CSNK1A1: variants seen among roughly 807,000 people sequenced by gnomAD.
CSNK1A1 encodes the protein casein kinase 1 alpha 1.
Under a neutral mutation model 46.1 loss-of-function variants are expected in CSNK1A1, and 7 were observed. That is an observed-to-expected ratio of 0.15 (90% CI 0.09 to 0.29). The LOEUF (loss-of-function observed/expected upper bound fraction) is 0.29. Among genes scored for constraint, CSNK1A1 ranks in the 10% least tolerant of loss-of-function variants. The pLI is 1.00. For missense variants in CSNK1A1, 96 were observed against 417.1 expected, an observed-to-expected ratio of 0.23 and a Z score of 6.71; for synonymous variants, 137 against 141.5, an observed-to-expected ratio of 0.97 and a Z score of 0.23.
At chr5:149,536,290 G>A (rs543111597) in intron 2 of CSNK1A1, among the ~76,000 whole-genome samples, 1 of 152,240 alleles carries the variant, frequency 6.6e-6, no homozygotes, top group African/African-American at 2.4e-5. Context: ...TGCACTATAA[G>A]TTAGCACTTG....
intron 5 of CSNK1A1, among the ~76,000 whole-genome samples, chr5:149,512,120 A>G (rs1761243638): frequency 6.6e-6 from 1 of 152,126 alleles, no homozygotes; most frequent in African/African-American, 2.4e-5. Flanking sequence ...AAAAGAACAG[A>G]AACGATTTGG....
At chr5:149,500,300 G>T (rs2113048096) in intron 9 of CSNK1A1, among the ~76,000 whole-genome samples, 1 of 152,082 alleles carries the variant, frequency 6.6e-6, no homozygotes, top group South Asian at 2.1e-4. Context: ...ACCACGCCCG[G>T]CTAATTTTTT....
rs983357661 is a variant in CSNK1A1 at position 149,498,625 on chromosome 5, C to T, written c.1007-1765G>A. 4 of 985,116 alleles carry T rather than the reference C, an allele frequency of 4.1e-6. No homozygotes were observed. The African/African-American group carries it at 5.2e-5, about 13-fold the overall frequency. The allele number at this position is 985,116 out of a possible 1,614,324, so 61.0% of individuals were successfully genotyped here. On this transcript the variant is annotated intron_variant, in intron 9 of 9. Coordinates refer to ENST00000377843, the MANE Select transcript of CSNK1A1 (RefSeq NM_001892.6). ...ATTAAACAGGATTAAACAGAATTCC[C>T]CCATCAGGATTTGGTTTCAAGTCTT...
Position 149,550,198 on chromosome 5 carries a change from G to T in CSNK1A1, c.124-17C>A. 4 of 1,611,512 alleles carry T rather than the reference G, an allele frequency of 2.5e-6. No individual in the cohort carries two copies. Among genetic ancestry groups the T allele is most frequent in the Middle Eastern group, 3.3e-4 (2 of 6,042 alleles). On this transcript the variant is annotated splice_polypyrimidine_tract_variant and intron_variant, in intron 1 of 9. Transcript: ENST00000377843. The surrounding 1 kb of genome is among the most constrained non-coding windows in gnomAD (Gnocchi z 4.3). ...TGCCACTTCCTGCAGGGGAAAGAGG[G>T]GATGATGGCATCAACATCCCTACGG...
At chr5:149,516,066 C>T (rs554232611) in intron 4 of CSNK1A1, among the ~76,000 whole-genome samples, 45 of 152,186 alleles carry the variant, frequency 3.0e-4, no homozygotes, top group African/African-American at 1.0e-3. Context: ...ATGCCTATAA[C>T]GCCAGCATTT....
intron 5 of CSNK1A1, among the ~76,000 whole-genome samples, chr5:149,512,790 T>C (rs1291526247): frequency 6.6e-6 from 1 of 152,210 alleles, no homozygotes; most frequent in Non-Finnish European, 1.5e-5. Context: ...TATCTTCAGC[T>C]GCAAAAAGAA....
chr5:149,524,564 T>C (rs1170882065), intron 3 of CSNK1A1, among the ~76,000 whole-genome samples: 3 of 152,194 alleles, frequency 2.0e-5, no homozygotes, highest in African/African-American at 4.8e-5. Context: ...ACACAAATGG[T>C]TGAGAATCCA....
intron 4 of CSNK1A1, among the ~76,000 whole-genome samples, chr5:149,518,917 G>C (rs1313809534): frequency 6.6e-6 from 1 of 152,026 alleles, no homozygotes; most frequent in Non-Finnish European, 1.5e-5. Flanking sequence ...GGGTTTTTAG[G>C]GGGTAAGAAA....
intron 2 of CSNK1A1, among the ~76,000 whole-genome samples, chr5:149,531,897 T>C (rs1220059788): frequency 6.6e-6 from 1 of 152,024 alleles, no homozygotes; most frequent in African/African-American, 2.4e-5. Context: ...TTATTATTAT[T>C]TTTTGAGACA....
chr5:149,507,798 G>A, intron 7 of CSNK1A1, among the ~76,000 whole-genome samples: 1 of 152,064 alleles, frequency 6.6e-6, no homozygotes, highest in African/African-American at 2.4e-5. Context: ...ATGGTTGCAT[G>A]ATATTCTACC....
Position 149,551,046 on chromosome 5 carries a change from G to A in CSNK1A1, c.-82C>T. On this transcript the variant is annotated 5_prime_UTR_variant, in exon 1 of 10. Transcript: ENST00000377843. The stretch of plus-strand genomic sequence containing the variant: ...GGAGGCCTCGGGGCTCCTACACTAG[G>A]CAAGGCTACGGAGGAGGGCGGCAGG... 6.6e-7 allele frequency: 1 copy of A among 1,515,504 alleles called. No homozygotes were observed. Among genetic ancestry groups the A allele is most frequent in the Non-Finnish European group, 9.0e-7 (1 of 1,106,476 alleles). The allele number at this position is 1,515,504 out of a possible 1,614,324, so 93.9% of individuals were successfully genotyped here.
At chr5:149,499,758 T>G (rs1760764719) in intron 9 of CSNK1A1, among the ~76,000 whole-genome samples, 1 of 152,006 alleles carries the variant, frequency 6.6e-6, no homozygotes, top group African/African-American at 2.4e-5. Context: ...TTTCAACAGT[T>G]TTCGACTTTT....
chr5:149,523,289 C>G (rs1230488331), intron 3 of CSNK1A1, among the ~76,000 whole-genome samples: 1 of 152,146 alleles, frequency 6.6e-6, no homozygotes, highest in Non-Finnish European at 1.5e-5. Flanking sequence ...ATTTACCGGC[C>G]TTGGCCTCTC....
chr5:149,515,253 A>T (rs572884833), intron 4 of CSNK1A1, among the ~76,000 whole-genome samples: 9 of 152,354 alleles, frequency 5.9e-5, no homozygotes, highest in Admixed American at 2.6e-4. Flanking sequence ...CTTTAAAATG[A>T]AGGACAAAAG....
intron 2 of CSNK1A1, among the ~76,000 whole-genome samples, chr5:149,543,263 G>A (rs1762360128): frequency 6.6e-6 from 1 of 152,150 alleles, no homozygotes; most frequent in African/African-American, 2.4e-5. Flanking sequence ...AGAAGAACTG[G>A]AAGTTAGGAC....
chr5:149,513,207 T>C lies in CSNK1A1; in HGVS notation c.459A>G (p.Leu153=). 2.5e-6 allele frequency: 4 copies of C among 1,612,512 alleles called. No individual in the cohort carries two copies. Among genetic ancestry groups the C allele is most frequent in the Non-Finnish European group, 3.4e-6 (4 of 1,179,290 alleles). Residue 153 remains leucine, a splice_region_variant and synonymous_variant, in exon 5 of 10, where the codon TTA becomes TTG. Transcript: ENST00000377843. The stretch of plus-strand genomic sequence containing the variant: ...TGGCCAAACCAAAATCAATAAGGAA[T>C]AACTTTAAAAGAGAAATACAGAAAC... ...LMGIGRHCNK[L]FLIDFGLAKK... is the part of the protein sequence containing the mutation.
intron 7 of CSNK1A1, among the ~76,000 whole-genome samples, chr5:149,507,529 C>A (rs1309554739): frequency 6.6e-6 from 1 of 151,842 alleles, no homozygotes; most frequent in Non-Finnish European, 1.5e-5. Flanking sequence ...AGTGTAATCT[C>A]AGCTTACTGC....
intron 2 of CSNK1A1, chr5:149,545,815 C>T (rs1041005119): frequency 1.7e-5 from 8 of 465,692 alleles, no homozygotes; most frequent in South Asian, 7.2e-5. Flanking sequence ...TACCTTAAGC[C>T]GCGGCTCTCC....
intron 3 of CSNK1A1, among the ~76,000 whole-genome samples, chr5:149,521,906 C>T (rs1009997050): frequency 6.6e-6 from 1 of 152,116 alleles, no homozygotes; most frequent in East Asian, 1.9e-4. Flanking sequence ...CTGCGCCTGG[C>T]CCTTCTATGA....
Sources: allele counts gnomAD v4.1 joint callset (sites outside exome capture counted in the v4.1 genomes callset), GRCh38; gene constraint gnomAD v4.1.1; non-coding constraint Gnocchi (gnomAD v3.1); transcripts MANE v1.5; gene names NCBI Gene and HGNC (gene_info 2026-07-23, HGNC 2026-07-21).